HARBI1: variants seen among roughly 807,000 people sequenced by gnomAD.
The protein encoded by HARBI1 is putative nuclease HARBI1.
Under a neutral mutation model 25.3 loss-of-function variants are expected in HARBI1, and 15 were observed. The observed-to-expected ratio is 0.59, with a 90% CI of 0.40 to 0.91. The LOEUF (loss-of-function observed/expected upper bound fraction) is 0.91, where lower values mean the gene tolerates loss of function less well. Ranked by LOEUF, HARBI1 falls within the 40% of genes least tolerant of loss-of-function variation. HARBI1 has a pLI of 0.00. For missense variants in HARBI1, 396 were observed against 445.8 expected (o/e 0.89, Z 1.01); for synonymous variants, 168 against 160.5 (o/e 1.05, Z -0.35).
intron 2 of HARBI1, among the ~76,000 whole-genome samples, chr11:46,610,001 C>T (rs927261193): frequency 4.0e-5 from 6 of 151,710 alleles, no homozygotes; most frequent in African/African-American, 1.2e-4. Flanking sequence ...TACAAGTGCC[C>T]ACCACCATGC....
At chr11:46,607,825 T>C (rs936243698) in intron 2 of HARBI1, among the ~76,000 whole-genome samples, 1 of 150,464 alleles carries the variant, frequency 6.6e-6, no homozygotes, top group African/African-American at 2.5e-5. Flanking sequence ...GGAATAGGTA[T>C]ATTTAGAGGG....
At position 46,617,203 on chromosome 11, in the gene HARBI1, C is replaced by T. The variant is rs2045614390; in HGVS notation, c.-224G>A. 1.2e-5 allele frequency: 2 copies of T among 168,308 alleles called. No homozygotes were observed. The highest frequency in any genetic ancestry group is 2.4e-5 in the Non-Finnish European group (2 of 82,690). The allele number at this position is 168,308 out of a possible 1,614,324, so 10.4% of individuals were successfully genotyped here. The stretch of plus-strand genomic sequence containing the variant: ...GGCCCTCCTCCGGAACCGGCGACTG[C>T]ACAGAGGCCGCCACGGCGCGCAACA... On this transcript the variant is annotated 5_prime_UTR_variant, in exon 1 of 3. Transcript: ENST00000326737.
At chr11:46,608,277 A>C (rs1422764902) in intron 2 of HARBI1, among the ~76,000 whole-genome samples, 1 of 152,100 alleles carries the variant, frequency 6.6e-6, no homozygotes, top group Non-Finnish European at 1.5e-5. Flanking sequence ...CAGCCTGGGC[A>C]ACAAGAGCGA....
rs147599879 is a variant in HARBI1 at position 46,615,616 on chromosome 11, G to A, written c.622C>T (p.Leu208Phe). Residue 208 changes from leucine to phenylalanine, a missense_variant, in exon 2 of 3, where the codon CTC (leucine) becomes TTC (phenylalanine). By Grantham distance (22) the Leu-to-Phe change is conservative. Transcript: ENST00000326737. ...ATACCCGCTTCAAACTGACTACTGA[G>A]GGAAGACTGCTGCAGCACAGCACAG... ...QDCAVLQQSS[L>F]SSQFEAGMHK... The A allele has an allele frequency of 4.3e-6, 7 of 1,614,106 alleles. No individual in the cohort carries two copies. The African/African-American group carries it at 6.7e-5, about 15-fold the overall frequency.
At chr11:46,604,688 T>C (rs1591231981) in intron 2 of HARBI1, 1 of 985,334 alleles carries the variant, frequency 1.0e-6, no homozygotes, top group East Asian at 1.1e-4. Flanking sequence ...AAGAATAAGA[T>C]AAAAGTCCGA....
chr11:46,614,419 T>C (rs1429892639), intron 2 of HARBI1, among the ~76,000 whole-genome samples: 1 of 151,794 alleles, frequency 6.6e-6, no homozygotes, highest in Non-Finnish European at 1.5e-5. Context: ...AGCAAAACTC[T>C]GTCTCAATAA....
chr11:46,615,368 C>T (rs1203753071), intron 2 of HARBI1, among the ~76,000 whole-genome samples, 200 bp downstream of exon 2: 1 of 151,902 alleles, frequency 6.6e-6, no homozygotes, highest in African/African-American at 2.4e-5. Flanking sequence ...ACTACAGGCG[C>T]CTGCCACCAT....
At position 46,609,810 on chromosome 11, in the gene HARBI1, G is replaced by T. The variant is rs370163956; in HGVS notation, c.670+5758C>A. ...GAGACCTGCCTGGGCAACACAGTGA[G>T]ACCCAGACTCTACAAAAAAAAAAAT... On this transcript the variant is annotated intron_variant, in intron 2 of 2. Transcript: ENST00000326737. Among the ~76,000 whole-genome samples the T allele has an allele frequency of 4.1e-5, 6 of 146,952 alleles. No homozygotes were observed. The East Asian group carries it at 6.0e-4, about 15-fold the overall frequency.
At position 46,617,081 on chromosome 11, in the gene HARBI1, C is replaced by G. The variant is rs1325205837; in HGVS notation, c.-145+43G>C. ...GCACCCTAAAAACGGATGTCAAAGTCTGATTGCGCCGGCCACTCAGTTAGC... is the reference window on the plus strand; with the variant it reads ...GCACCCTAAAAACGGATGTCAAAGTGTGATTGCGCCGGCCACTCAGTTAGC... On this transcript the variant is annotated intron_variant, in intron 1 of 2. Transcript: ENST00000326737. 4.7e-6 allele frequency: 4 copies of G among 854,260 alleles called. No homozygotes were observed. The African/African-American group carries it at 7.3e-5, about 16-fold the overall frequency. 52.9% of individuals were successfully genotyped at this position (854,260 alleles called of 1,614,324 possible).
chr11:46,617,106 C>T lies in HARBI1; in HGVS notation c.-145+18G>A. On this transcript the variant is annotated intron_variant, in intron 1 of 2. Coordinates refer to ENST00000326737, the MANE Select transcript of HARBI1 (RefSeq NM_173811.4). ...CTGATTGCGCCGGCCACTCAGTTAG[C>T]CCAGGCCCGTCACCCACCTCTCCGC... The T allele has an allele frequency of 1.6e-6, 1 of 623,046 alleles. No homozygotes were observed. Among genetic ancestry groups the T allele is most frequent in the Non-Finnish European group, 2.0e-6 (1 of 499,402 alleles). The allele number at this position is 623,046 out of a possible 1,614,324, so 38.6% of individuals were successfully genotyped here. A position where few individuals can be genotyped will look rare whatever the true frequency, so the allele number is the denominator to read the frequency against.
At chr11:46,611,917 T>C (rs2045198616) in intron 2 of HARBI1, among the ~76,000 whole-genome samples, 1 of 152,058 alleles carries the variant, frequency 6.6e-6, no homozygotes, top group African/African-American at 2.4e-5. Flanking sequence ...AAAGGTCCAG[T>C]AGAGTAGCAA....
At chr11:46,615,484 TG>T in intron 2 of HARBI1, 83 bp downstream of exon 2, 2 of 1,127,044 alleles carry the variant, frequency 1.8e-6, no homozygotes, top group Non-Finnish European at 2.6e-6. Flanking sequence ...CCCAAAGTGC[TG>T]GGGTTGTGTG....
At chr11:46,614,705 G>C (rs1347865587) in intron 2 of HARBI1, among the ~76,000 whole-genome samples, 1 of 152,184 alleles carries the variant, frequency 6.6e-6, no homozygotes, top group East Asian at 1.9e-4. Context: ...CTCCCAGATA[G>C]TTGGAATTAC....
rs146146917 is a variant in HARBI1 at position 46,615,059 on chromosome 11, T to C, written c.670+509A>G. On this transcript the variant is annotated intron_variant, in intron 2 of 2. Transcript: ENST00000326737. ...TCCCGAGTAGCTGGGATTGCAGGCA[T>C]GCGCTACTACGCCCGGCTAATTTTG... 9.0e-3 allele frequency among the ~76,000 whole-genome samples: 1,308 copies of C among 146,096 alleles called. 9 individuals are homozygous for C. The highest frequency in any genetic ancestry group is 0.032 in the African/African-American group (1,260 of 39,176).
chr11:46,607,253 C>T (rs2044991065), intron 2 of HARBI1, among the ~76,000 whole-genome samples: 1 of 130,018 alleles, frequency 7.7e-6, no homozygotes, highest in African/African-American at 3.1e-5. Context: ...CAGGGTGAGA[C>T]TGTCTCAAAA....
chr11:46,616,971 C>G (rs1421244715), intron 1 of HARBI1, 153 bp downstream of exon 1: 1 of 984,470 alleles, frequency 1.0e-6, no homozygotes, highest in African/African-American at 1.8e-5. Flanking sequence ...CCAGGAAGTA[C>G]GGAAGACCAG....
At chr11:46,609,067 G>A (rs1175612348) in intron 2 of HARBI1, among the ~76,000 whole-genome samples, 1 of 151,818 alleles carries the variant, frequency 6.6e-6, no homozygotes, top group Non-Finnish European at 1.5e-5. Context: ...GGGATTACAG[G>A]CGCCTGCCAC....
At chr11:46,607,740 A>G (rs565475847) in intron 2 of HARBI1, among the ~76,000 whole-genome samples, 1 of 152,276 alleles carries the variant, frequency 6.6e-6, no homozygotes, top group East Asian at 1.9e-4. Context: ...ACATTTTGGC[A>G]GATCTTACCC....
At chr11:46,617,540 AC>A (rs1248618726), upstream of HARBI1, 894 of 80,124 alleles carry the variant, frequency 0.011, 39 homozygotes, top group East Asian at 0.048. Context: ...GCCCTCTTTC[AC>A]CCCCCCCCCC....
Sources: allele counts gnomAD v4.1 joint callset (sites outside exome capture counted in the v4.1 genomes callset), GRCh38; gene constraint gnomAD v4.1.1; transcripts MANE v1.5; gene names NCBI Gene and HGNC (gene_info 2026-07-23, HGNC 2026-07-21).